The following MTUS2 variants were observed in gnomAD, a reference collection of about 807,000 sequenced individuals.
MTUS2 encodes the protein microtubule associated scaffold protein 2, also known as microtubule-associated tumor suppressor candidate 2.
In MTUS2, 40 loss-of-function variants were observed where a neutral mutation model predicts 114.1. That is an observed-to-expected ratio of 0.35 (90% CI 0.27 to 0.46). The LOEUF (loss-of-function observed/expected upper bound fraction) is 0.46. MTUS2 is among the 20% of genes least tolerant of loss of function. The pLI, the probability that MTUS2 is intolerant of heterozygous loss-of-function variation, is 1.00. For synonymous variants in MTUS2, 688 were observed against 672.0 expected (o/e 1.02, Z -0.37); for missense variants, 1,679 against 1,705.4 (o/e 0.98, Z 0.27).
intron 8 of MTUS2, among the ~76,000 whole-genome samples, chr13:29,366,867 C>T (rs7333023): frequency 0.74 from 112,748 of 151,766 alleles, 42,103 homozygotes; most frequent in East Asian, 0.83. Context: ...CCTGGTGGCT[C>T]TTGGAGTACC....
chr13:29,199,674 G>C (rs1894855891), intron 5 of MTUS2, among the ~76,000 whole-genome samples: 1 of 152,062 alleles, frequency 6.6e-6, no homozygotes, highest in Non-Finnish European at 1.5e-5. Context: ...GTCTCTGCCA[G>C]GTTTTGGTAT....
chr13:29,365,306 A>G (rs1444826889), intron 8 of MTUS2, among the ~76,000 whole-genome samples: 1 of 152,200 alleles, frequency 6.6e-6, no homozygotes, highest in Non-Finnish European at 1.5e-5. Context: ...GGAAAATGAA[A>G]CTCAGAATAG....
At chr13:28,870,084 C>T (rs1877532472) in intron 2 of MTUS2, among the ~76,000 whole-genome samples, 1 of 152,104 alleles carries the variant, frequency 6.6e-6, no homozygotes, top group Non-Finnish European at 1.5e-5. Context: ...TGGTAATTAG[C>T]ATATCCATCA....
At chr13:29,170,435 G>T (rs1893507992) in intron 5 of MTUS2, among the ~76,000 whole-genome samples, 1 of 152,140 alleles carries the variant, frequency 6.6e-6, no homozygotes, top group African/African-American at 2.4e-5. Context: ...CTAGTAACAG[G>T]CCACTTTTTA....
Position 29,383,252 on chromosome 13 carries a change from G to GTGTGTGTGTGTGTGTGTGTGTATT in MTUS2, c.3117+23780_3117+23781insGTGTGTGTGTGTGTGTGTGTATTT, listed in dbSNP as rs5802519. Among the ~76,000 whole-genome samples, 103 of 135,962 alleles carry GTGTGTGTGTGTGTGTGTGTGTATT rather than the reference G, an allele frequency of 7.6e-4. 1 individual carries two copies. Among genetic ancestry groups the GTGTGTGTGTGTGTGTGTGTGTATT allele is most frequent in the Middle Eastern group, 3.7e-3 (1 of 272 alleles). The allele number at this position is 135,962 out of a possible 152,430, so 89.2% of individuals were successfully genotyped here. A position where few individuals can be genotyped will look rare whatever the true frequency, so the allele number is the denominator to read the frequency against. On this transcript the variant is annotated intron_variant, in intron 8 of 15. Transcript: ENST00000612955. ...TGTGTGTGTGTGTGTGTGTGTGTGTGTATTTATTTTTCTCATGCAGGTCTT... is the reference window on the plus strand; with the variant it reads ...TGTGTGTGTGTGTGTGTGTGTGTGTGTGTGTGTGTGTGTGTGTGTGTATTTATTTATTTTTCTCATGCAGGTCTT...
intron 5 of MTUS2, among the ~76,000 whole-genome samples, chr13:29,248,836 CATGGTTTAT>C (rs1185119938): frequency 6.6e-6 from 1 of 152,260 alleles, no homozygotes; most frequent in African/African-American, 2.4e-5. Context: ...CATAGTATTC[CATGGTTTAT>C]ATGTACCACA....
chr13:29,344,765 T>G (rs75559865), intron 7 of MTUS2, among the ~76,000 whole-genome samples: 4,065 of 152,320 alleles, frequency 0.027, 83 homozygotes, highest in Non-Finnish European at 0.042. Flanking sequence ...CCTGTGAGAT[T>G]TATGCTTTAA....
chr13:29,372,099 C>T (rs1871243628), intron 8 of MTUS2, among the ~76,000 whole-genome samples: 1 of 148,488 alleles, frequency 6.7e-6, no homozygotes, highest in African/African-American at 2.5e-5. Flanking sequence ...ACTTTGTACA[C>T]CTTAAATTTA....
intron 14 of MTUS2, among the ~76,000 whole-genome samples, chr13:29,500,549 G>A (rs1478355817): frequency 6.6e-6 from 1 of 152,086 alleles, no homozygotes; most frequent in Non-Finnish European, 1.5e-5. Flanking sequence ...TGCATTCCTG[G>A]CTGCCTGTAG....
intron 8 of MTUS2, among the ~76,000 whole-genome samples, chr13:29,418,519 G>A (rs901895587): frequency 2.6e-5 from 4 of 152,168 alleles, no homozygotes; most frequent in African/African-American, 9.7e-5. Context: ...ATCATGATCA[G>A]CTAGCCAACT....
At chr13:29,403,102 CT>C (rs1426423417) in intron 8 of MTUS2, among the ~76,000 whole-genome samples, 1 of 152,230 alleles carries the variant, frequency 6.6e-6, no homozygotes, top group East Asian at 1.9e-4. Context: ...GCCCATCTCA[CT>C]TGCTTCTCAC....
chr13:29,424,107 A>T (rs1876326548), intron 8 of MTUS2, among the ~76,000 whole-genome samples: 1 of 151,428 alleles, frequency 6.6e-6, no homozygotes, highest in African/African-American at 2.4e-5. Context: ...CCTCAAAGTG[A>T]TCTGCCCACC....
intron 8 of MTUS2, among the ~76,000 whole-genome samples, chr13:29,412,866 T>G (rs1314968487): frequency 1.3e-5 from 2 of 152,222 alleles, no homozygotes; most frequent in Non-Finnish European, 2.9e-5. Context: ...ATTGGCAGGT[T>G]GCATTCATTT....
intron 12 of MTUS2, among the ~76,000 whole-genome samples, chr13:29,493,210 T>C (rs1882310244): frequency 6.6e-6 from 1 of 152,150 alleles, no homozygotes; most frequent in African/African-American, 2.4e-5. Context: ...CTGCCACCTT[T>C]AGGAAACGCT....
intron 1 of MTUS2, among the ~76,000 whole-genome samples, chr13:28,833,775 G>T (rs2040396581): frequency 6.6e-6 from 1 of 152,118 alleles, no homozygotes; most frequent in African/African-American, 2.4e-5. Context: ...CAGATGACAT[G>T]ATCTTGTATG....
intron 8 of MTUS2, among the ~76,000 whole-genome samples, chr13:29,365,196 A>C (rs1870599611): frequency 6.6e-6 from 1 of 152,214 alleles, no homozygotes. Flanking sequence ...AAATATTCCC[A>C]ATATCAAGGG....
At chr13:29,140,680 G>A (rs1892180610) in intron 5 of MTUS2, among the ~76,000 whole-genome samples, 1 of 152,050 alleles carries the variant, frequency 6.6e-6, no homozygotes, top group Admixed American at 6.6e-5. Context: ...CCAGTTCTCT[G>A]GTAGGTGATT....
At chr13:28,841,997 C>T (rs2052526470) in intron 2 of MTUS2, among the ~76,000 whole-genome samples, 1 of 152,124 alleles carries the variant, frequency 6.6e-6, no homozygotes, top group Admixed American at 6.5e-5. Flanking sequence ...AGTTTGTTTT[C>T]TTATTGTATC....
chr13:29,434,423 G>T (rs1388470992), intron 8 of MTUS2, among the ~76,000 whole-genome samples: 2 of 152,156 alleles, frequency 1.3e-5, no homozygotes, highest in Non-Finnish European at 2.9e-5. Flanking sequence ...TTCTGTAATT[G>T]TTCATCCATT....
Sources: gnomAD v4.1 joint callset for allele counts (sites outside exome capture counted in the v4.1 genomes callset) on GRCh38, gnomAD v4.1.1 for gene constraint, MANE v1.5 for transcripts, NCBI Gene and HGNC (gene_info 2026-07-23, HGNC 2026-07-21) for gene names.